The following DACH1 variants were observed in gnomAD, a reference collection of about 807,000 sequenced individuals.
DACH1 encodes dachshund family transcription factor 1, also known as dachshund homolog 1.
In DACH1, 12 loss-of-function variants were observed where a neutral mutation model predicts 54.2. That is an observed-to-expected ratio of 0.22 (90% confidence interval 0.14 to 0.36). DACH1 has a LOEUF of 0.36. DACH1 is among the 10% of genes least tolerant of loss of function. The pLI is 1.00. For synonymous variants in DACH1, 386 were observed against 366.2 expected, an observed-to-expected ratio of 1.05 and a Z score of -0.62; for missense variants, 805 against 929.8, an observed-to-expected ratio of 0.87 and a Z score of 1.75.
At chr13:71,575,368 T>G in intron 3 of DACH1, among the ~76,000 whole-genome samples, 1 of 152,012 alleles carries the variant, frequency 6.6e-6, no homozygotes, top group Admixed American at 6.6e-5. Context: ...TGGAAAAATA[T>G]ACATTCATTA....
At chr13:71,522,253 C>T (rs971900930) in intron 6 of DACH1, among the ~76,000 whole-genome samples, 180 of 152,168 alleles carry the variant, frequency 1.2e-3, no homozygotes, top group African/African-American at 4.3e-3. Context: ...GAGAACACCT[C>T]AGAAGACACT....
At chr13:71,487,259 T>A (rs1429836160) in intron 7 of DACH1, among the ~76,000 whole-genome samples, 1 of 152,170 alleles carries the variant, frequency 6.6e-6, no homozygotes, top group Middle Eastern at 3.2e-3. Context: ...GTCTTGACCA[T>A]TGTCCTTTTA....
chr13:71,543,981 CT>C (rs1883305002), intron 6 of DACH1, among the ~76,000 whole-genome samples: 2 of 151,556 alleles, frequency 1.3e-5, no homozygotes, highest in African/African-American at 4.9e-5. Context: ...TATAGCAAAA[CT>C]CAGAAAGGCA....
chr13:71,610,769 G>C (rs1875270911), intron 3 of DACH1, among the ~76,000 whole-genome samples: 1 of 152,072 alleles, frequency 6.6e-6, no homozygotes, highest in African/African-American at 2.4e-5. Context: ...AGAAGAAAAA[G>C]GATCTTAAAA....
At chr13:71,500,512 C>G (rs943239693) in intron 6 of DACH1, among the ~76,000 whole-genome samples, 1 of 151,974 alleles carries the variant, frequency 6.6e-6, no homozygotes, top group African/African-American at 2.4e-5. Context: ...CTAATTTGCA[C>G]GTAACTTTTA....
intron 1 of DACH1, among the ~76,000 whole-genome samples, chr13:71,794,044 C>G (rs1461145776): frequency 1.3e-5 from 2 of 149,188 alleles, no homozygotes; most frequent in African/African-American, 2.5e-5. Flanking sequence ...TAATTAGGTC[C>G]AATTATTATC....
At chr13:71,825,771 C>A (rs1888354141) in intron 1 of DACH1, among the ~76,000 whole-genome samples, 1 of 151,884 alleles carries the variant, frequency 6.6e-6, no homozygotes, top group Non-Finnish European at 1.5e-5. Flanking sequence ...CACTTGTGTA[C>A]CAGGTTTTAG....
intron 1 of DACH1, among the ~76,000 whole-genome samples, chr13:71,741,332 T>C (rs9542741): frequency 0.63 from 96,330 of 152,192 alleles, 38,069 homozygotes; most frequent in Non-Finnish European, 0.89. Flanking sequence ...CCTTATCAGA[T>C]ACTGCTAAGT....
At chr13:71,725,974 AC>A (rs1419895231) in intron 1 of DACH1, among the ~76,000 whole-genome samples, 1 of 152,144 alleles carries the variant, frequency 6.6e-6, no homozygotes, top group Non-Finnish European at 1.5e-5. Context: ...TTTCTGGATA[AC>A]AAATCCCCTT....
At chr13:71,833,773 TA>T (rs1190834080) in intron 1 of DACH1, among the ~76,000 whole-genome samples, 2 of 152,008 alleles carry the variant, frequency 1.3e-5, no homozygotes, top group Non-Finnish European at 2.9e-5. Context: ...GAAGCTAAAA[TA>T]AAAAAGTGTC....
At chr13:71,742,498 G>A (rs1331042831) in intron 1 of DACH1, among the ~76,000 whole-genome samples, 4 of 151,590 alleles carry the variant, frequency 2.6e-5, no homozygotes, top group Non-Finnish European at 5.9e-5. Context: ...TTAAATATGA[G>A]ACATTCCTAA....
chr13:71,679,588 A>AT (rs1223852287), intron 2 of DACH1, among the ~76,000 whole-genome samples: 1 of 149,288 alleles, frequency 6.7e-6, no homozygotes, highest in Non-Finnish European at 1.5e-5. Flanking sequence ...TAAAATGGTT[A>AT]TTTAAAAAAA....
At chr13:71,796,333 T>C (rs1227694148) in intron 1 of DACH1, among the ~76,000 whole-genome samples, 1 of 152,152 alleles carries the variant, frequency 6.6e-6, no homozygotes, top group Non-Finnish European at 1.5e-5. Flanking sequence ...TTATTCCTTA[T>C]AGATCAAAAC....
intron 1 of DACH1, among the ~76,000 whole-genome samples, chr13:71,833,124 C>G (rs1888657678): frequency 6.6e-6 from 1 of 151,776 alleles, no homozygotes; most frequent in African/African-American, 2.4e-5. Flanking sequence ...TAAGAGAGAG[C>G]CAACATTGAT....
chr13:71,525,296 G>A (rs1313317707), intron 6 of DACH1, among the ~76,000 whole-genome samples: 1 of 152,012 alleles, frequency 6.6e-6, no homozygotes, highest in Non-Finnish European at 1.5e-5. Flanking sequence ...TAACAAAAAT[G>A]GACTATTTAC....
At chr13:71,561,122 T>C (rs533967111) in intron 4 of DACH1, among the ~76,000 whole-genome samples, 2 of 152,294 alleles carry the variant, frequency 1.3e-5, no homozygotes, top group South Asian at 4.1e-4. Flanking sequence ...ATGATCGTGC[T>C]CATCTTTGGT....
At chr13:71,533,979 T>C (rs899129321) in intron 6 of DACH1, among the ~76,000 whole-genome samples, 1 of 152,072 alleles carries the variant, frequency 6.6e-6, no homozygotes, top group Non-Finnish European at 1.5e-5. Context: ...ATCTTATCTC[T>C]GGGTCGGCTA....
chr13:71,482,000 A>G (rs934170722), intron 7 of DACH1, among the ~76,000 whole-genome samples: 1 of 152,214 alleles, frequency 6.6e-6, no homozygotes, highest in Non-Finnish European at 1.5e-5. Context: ...GAAGGTTTAA[A>G]GCATGATTTT....
intron 6 of DACH1, among the ~76,000 whole-genome samples, chr13:71,549,045 T>C (rs959812863): frequency 2.6e-5 from 4 of 151,906 alleles, no homozygotes; most frequent in Non-Finnish European, 5.9e-5. Context: ...CTATGCAAAC[T>C]ATCAACTGGA....
Sources: allele counts gnomAD v4.1 joint callset (sites outside exome capture counted in the v4.1 genomes callset), GRCh38; gene constraint gnomAD v4.1.1; transcripts MANE v1.5; gene names NCBI Gene and HGNC (gene_info 2026-07-23, HGNC 2026-07-21).